The following MALRD1 variants were observed in gnomAD, a reference collection of about 807,000 sequenced individuals.
MALRD1 encodes MAM and LDL-receptor class A domain-containing protein 1.
MALRD1 carries 247 observed loss-of-function variants against 242.1 expected under a neutral mutation model. That is an observed-to-expected ratio of 1.02 (90% CI 0.92 to 1.13). MALRD1 has a LOEUF of 1.13. MALRD1 is among the 50% of genes most tolerant of loss of function. The pLI, the probability that MALRD1 is intolerant of heterozygous loss-of-function variation, is 0.00. For synonymous variants in MALRD1, 995 were observed against 866.6 expected (o/e 1.15, Z -2.60); for missense variants, 2,989 against 2,533.1 (o/e 1.18, Z -3.86).
At chr10:19,629,413 A>G (rs997669031) in intron 36 of MALRD1, among the ~76,000 whole-genome samples, 4 of 152,168 alleles carry the variant, frequency 2.6e-5, no homozygotes, top group African/African-American at 4.8e-5. Flanking sequence ...GTGAGGCAGT[A>G]TCTAATGCCA....
Position 19,283,290 on chromosome 10 carries a change from A to G in MALRD1, c.3419+109A>G, listed in dbSNP as rs371109392. Reference sequence around the variant, plus strand: ...TAGGCCAATGCTACTGTAAAGACAAATGTTAAGTTGAAAAGGAGGCTGTTT... The same window carrying G: ...TAGGCCAATGCTACTGTAAAGACAAGTGTTAAGTTGAAAAGGAGGCTGTTT... On this transcript the variant is annotated intron_variant, in intron 21 of 39. Coordinates refer to ENST00000454679, the MANE Select transcript of MALRD1 (RefSeq NM_001142308.3). 5 of 934,180 alleles carry G rather than the reference A, an allele frequency of 5.4e-6. No homozygotes were observed. The African/African-American group carries it at 8.6e-5, about 16-fold the overall frequency. 57.9% of individuals were successfully genotyped at this position (934,180 alleles called of 1,614,324 possible). A position where few individuals can be genotyped will look rare whatever the true frequency, so the allele number is the denominator to read the frequency against.
intron 19 of MALRD1, among the ~76,000 whole-genome samples, chr10:19,262,017 T>A (rs1393293486): frequency 6.6e-6 from 1 of 152,054 alleles, no homozygotes; most frequent in African/African-American, 2.4e-5. Flanking sequence ...TCCCCAATAG[T>A]TTTTATGCCC....
chr10:19,102,005 T>C (rs889087743), intron 4 of MALRD1, among the ~76,000 whole-genome samples: 2 of 141,638 alleles, frequency 1.4e-5, no homozygotes, highest in African/African-American at 5.1e-5. Flanking sequence ...ATAACATATA[T>C]CTATATTATA....
chr10:19,649,593 A>G (rs1403934446), intron 36 of MALRD1, among the ~76,000 whole-genome samples: 1 of 151,962 alleles, frequency 6.6e-6, no homozygotes, highest in African/African-American at 2.4e-5. Flanking sequence ...TTTCTCTTGT[A>G]ACTTTGTTTA....
intron 26 of MALRD1, among the ~76,000 whole-genome samples, chr10:19,374,116 C>CT (rs1845500433): frequency 6.6e-6 from 1 of 152,136 alleles, no homozygotes; most frequent in South Asian, 2.1e-4. Flanking sequence ...ACATTAGCTA[C>CT]TTTTTTAACG....
chr10:19,170,924 C>T (rs1588645412), intron 13 of MALRD1, among the ~76,000 whole-genome samples: 3 of 151,884 alleles, frequency 2.0e-5, no homozygotes, highest in Non-Finnish European at 4.4e-5. Flanking sequence ...TTATTGATAC[C>T]ATCATCATTC....
In MALRD1 at chr10:19,209,087, T is replaced by C. The variant is rs74118864; in HGVS notation, c.2579-181T>C. 3.4e-3 allele frequency among the ~76,000 whole-genome samples: 512 copies of C among 152,304 alleles called. 4 individuals carry two copies. Among genetic ancestry groups the C allele is most frequent in the African/African-American group, 0.012 (488 of 41,550 alleles). ...TAAAATATTATTAATTGATATATCA[T>C]TTAGAAACAAAAACTCTTTTTTTAA... On this transcript the variant is annotated intron_variant, in intron 17 of 39. Coordinates refer to ENST00000454679, the MANE Select transcript of MALRD1 (RefSeq NM_001142308.3).
chr10:19,188,051 G>A (rs563495403), intron 14 of MALRD1, among the ~76,000 whole-genome samples: 4 of 152,274 alleles, frequency 2.6e-5, no homozygotes, highest in Admixed American at 2.0e-4. Flanking sequence ...TGCATCCAAG[G>A]TTGAGGACCA....
At chr10:19,113,822 CACACACACAG>C (rs1314686559) in intron 5 of MALRD1, among the ~76,000 whole-genome samples, 15 of 148,064 alleles carry the variant, frequency 1.0e-4, no homozygotes, top group African/African-American at 2.2e-4. Flanking sequence ...CACACACACA[CACACACACAG>C]ACACACACAC....
Position 19,296,467 on chromosome 10 carries a change from A to C in MALRD1, c.3419+13286A>C, listed in dbSNP as rs577095406. Among the ~76,000 whole-genome samples, 98 of 152,188 alleles carry C rather than the reference A, an allele frequency of 6.4e-4. 2 individuals are homozygous for C. The South Asian group carries it at 0.02, about 31-fold the overall frequency. Reference sequence around the variant, plus strand: ...AGTTTGGAAAAATATTGCTGTCTTCATCATTTTGTGGGGAAAATTTCAGGA... The same window carrying C: ...AGTTTGGAAAAATATTGCTGTCTTCCTCATTTTGTGGGGAAAATTTCAGGA... On this transcript the variant is annotated intron_variant, in intron 21 of 39. Coordinates refer to ENST00000454679, the MANE Select transcript of MALRD1 (RefSeq NM_001142308.3).
intron 24 of MALRD1, among the ~76,000 whole-genome samples, chr10:19,331,951 C>T (rs914269140): frequency 2.6e-5 from 4 of 151,918 alleles, no homozygotes; most frequent in African/African-American, 9.7e-5. Context: ...CTGCAAACTC[C>T]GCCTCCCAGG....
chr10:19,158,874 A>T (rs965471934), intron 12 of MALRD1, among the ~76,000 whole-genome samples: 2 of 152,254 alleles, frequency 1.3e-5, no homozygotes, highest in African/African-American at 2.4e-5. Flanking sequence ...CCAAAGTAGG[A>T]CAATGAACTG....
chr10:19,189,586 G>A (rs1835887630), intron 14 of MALRD1, among the ~76,000 whole-genome samples: 1 of 151,918 alleles, frequency 6.6e-6, no homozygotes. Context: ...TATTTCAGAA[G>A]CATATTAAAA....
chr10:19,510,163 C>T (rs1833331763), intron 31 of MALRD1, among the ~76,000 whole-genome samples: 2 of 152,170 alleles, frequency 1.3e-5, no homozygotes, highest in Non-Finnish European at 2.9e-5. Flanking sequence ...CTTAAAGAGC[C>T]AGCATGTCTC....
intron 32 of MALRD1, among the ~76,000 whole-genome samples, chr10:19,562,746 G>C (rs1836041852): frequency 6.6e-6 from 1 of 152,154 alleles, no homozygotes; most frequent in South Asian, 2.1e-4. Context: ...TAACTTCTGA[G>C]CTCCACCTCC....
At chr10:19,598,784 AG>A (rs1434950189) in intron 34 of MALRD1, among the ~76,000 whole-genome samples, 1 of 152,160 alleles carries the variant, frequency 6.6e-6, no homozygotes, top group Non-Finnish European at 1.5e-5. Flanking sequence ...ATAAAGTGGC[AG>A]GCAGAACCTG....
rs1468977527 is a variant in MALRD1, at chr10:19,049,037, A to AG, written c.102dup (p.Thr35AspfsTer7). 1 of 1,233,814 alleles carries AG rather than the reference A, an allele frequency of 8.1e-7. No individual in the cohort carries two copies. Among genetic ancestry groups the AG allele is most frequent in the African/African-American group, 1.6e-5 (1 of 64,502 alleles). The allele number at this position is 1,233,814 out of a possible 1,614,324, so 76.4% of individuals were successfully genotyped here. The stretch of plus-strand genomic sequence containing the variant: ...TTTTCAATTCTACACTGGCTCAGCA[A>AG]GGGACAGAAAGCTTTCAGTGTGACA... On this transcript the variant is annotated frameshift_variant, in exon 1 of 40. Coordinates refer to ENST00000454679, the MANE Select transcript of MALRD1 (RefSeq NM_001142308.3). LOFTEE classifies it high-confidence loss of function.
At chr10:19,611,288 A>G (rs955340092) in intron 35 of MALRD1, among the ~76,000 whole-genome samples, 12 of 151,990 alleles carry the variant, frequency 7.9e-5, no homozygotes, top group African/African-American at 2.7e-4. Flanking sequence ...GTGGTTATCA[A>G]TCTTCCCAGC....
chr10:19,237,614 A>ATGTGTAAT (rs1357989695), intron 18 of MALRD1, among the ~76,000 whole-genome samples: 2 of 57,284 alleles, frequency 3.5e-5, no homozygotes, highest in Admixed American at 8.1e-4. Context: ...AATTATAATT[A>ATGTGTAAT]TATAATTATA....
Sources: allele counts gnomAD v4.1 joint callset (sites outside exome capture counted in the v4.1 genomes callset), GRCh38; gene constraint gnomAD v4.1.1; transcripts MANE v1.5; gene names NCBI Gene and HGNC (gene_info 2026-07-23, HGNC 2026-07-21).